The following TP73 variants were observed in gnomAD, a reference collection of about 807,000 sequenced individuals.
TP73 encodes tumor protein p73, also known as p53-like transcription factor.
In TP73, 25 loss-of-function variants were observed where a neutral mutation model predicts 62.5. The observed-to-expected ratio is 0.40, with a 90% CI of 0.29 to 0.56. The LOEUF is 0.56. TP73 is among the 20% of genes least tolerant of loss of function. TP73 has a pLI of 0.46. For synonymous variants in TP73, 423 were observed against 377.5 expected (o/e 1.12, Z -1.40); for missense variants, 754 against 913.3 (o/e 0.83, Z 2.25).
rs1645548823 is a variant in TP73 at position 3,682,497 on chromosome 1, C to A, written c.65+67C>A. ...AGGCACTCTGGGCTAGCCTCAGCCA[C>A]CTTCGCTGGGCTAACTGGGCCAGAG... is the stretch of plus-strand genomic sequence containing the variant. On this transcript the variant is annotated intron_variant, in intron 2 of 13. Transcript: ENST00000378295. 2.9e-6 allele frequency: 4 copies of A among 1,366,502 alleles called. No homozygotes were observed. In the East Asian group the frequency reaches 8.7e-5, roughly 30 times the overall value. 84.6% of individuals were successfully genotyped at this position (1,366,502 alleles called of 1,614,324 possible).
At position 3,727,722 on chromosome 1, in the gene TP73, C is replaced by T. The variant is rs2124521090; in HGVS notation, c.937C>T (p.Gln313Ter). The T allele has an allele frequency of 6.4e-7, 1 of 1,567,114 alleles. No individual in the cohort carries two copies. Among genetic ancestry groups the T allele is most frequent in the African/African-American group, 1.3e-5 (1 of 74,456 alleles). The change falls in exon 8 of 14, where the codon CAG becomes TAG. Residue 313 changes from glutamine to a stop codon, truncating the protein, a stop_gained. Coordinates refer to ENST00000378295, the MANE Select transcript of TP73 (RefSeq NM_005427.4). LOFTEE classifies it high-confidence loss of function. ...KADEDHYREQ[Q>*]ALNESSAKNG... ...TGATGAGGACCACTACCGGGAGCAG[C>T]AGGCCCTGAACGAGAGCTCCGCCAA...
chr1:3,660,075 G>A (rs1644958003), intron 1 of TP73, among the ~76,000 whole-genome samples: 1 of 152,214 alleles, frequency 6.6e-6, no homozygotes, highest in African/African-American at 2.4e-5. Flanking sequence ...TGGCCAGCTA[G>A]GCTTTCTTTA....
intron 1 of TP73, among the ~76,000 whole-genome samples, chr1:3,675,663 C>T (rs1028358404): frequency 2.6e-5 from 4 of 152,264 alleles, no homozygotes; most frequent in African/African-American, 9.6e-5. Context: ...GGGTAGGTAA[C>T]AGCAGCCCTG....
At chr1:3,657,783 C>A (rs76626189) in intron 1 of TP73, among the ~76,000 whole-genome samples, 3 of 152,300 alleles carry the variant, frequency 2.0e-5, no homozygotes, top group South Asian at 4.1e-4. Context: ...TCTCCCCCAG[C>A]ACCTCCCGCC....
At chr1:3,718,189 C>T (rs1640767265) in intron 4 of TP73, among the ~76,000 whole-genome samples, 1 of 152,206 alleles carries the variant, frequency 6.6e-6, no homozygotes, top group South Asian at 2.1e-4. Flanking sequence ...GGGACAGCTC[C>T]CGGCGCGCCC....
At chr1:3,732,510 C>G (rs892520049) in intron 13 of TP73, among the ~76,000 whole-genome samples, 2 of 152,160 alleles carry the variant, frequency 1.3e-5, no homozygotes, top group African/African-American at 4.8e-5. Flanking sequence ...CAGTTCCTCC[C>G]CCAGGGCCAG....
chr1:3,683,108 T>C lies in TP73; in HGVS notation c.114T>C (p.Asn38=). 6.2e-7 allele frequency: 1 copy of C among 1,612,390 alleles called. No individual in the cohort carries two copies. The change falls in exon 3 of 14, where the codon AAT becomes AAC. Residue 38 remains asparagine, a synonymous_variant. Coordinates refer to ENST00000378295, the MANE Select transcript of TP73 (RefSeq NM_005427.4). Reference sequence around the variant, plus strand: ...ACCTTCCCCAGTCAAGCCGGGGGAATAATGAGGTGGTGGGCGGAACGGATT... The same window carrying C: ...ACCTTCCCCAGTCAAGCCGGGGGAACAATGAGGTGGTGGGCGGAACGGATT... ...YFDLPQSSRG[N]NEVVGGTDSS... is the part of the protein sequence containing the mutation.
chr1:3,705,898 C>T (rs1639584367), intron 3 of TP73, among the ~76,000 whole-genome samples: 1 of 152,220 alleles, frequency 6.6e-6, no homozygotes, highest in Admixed American at 6.5e-5. Flanking sequence ...AGCCGAGGGC[C>T]TCTGGGTCAC....
chr1:3,707,734 C>A lies in TP73; in HGVS notation c.372C>A (p.Pro124=), dbSNP rs745613434. ...VIPSNTDYPG[P]HHFEVTFQQS... is the part of the protein sequence containing the mutation. ...CCTCCAACACCGACTACCCCGGACC[C>A]CACCACTTTGAGGTCACTTTCCAGC... Residue 124 remains proline (P), a synonymous_variant, in exon 4 of 14, where the codon CCC becomes CCA. Coordinates refer to ENST00000378295, the MANE Select transcript of TP73 (RefSeq NM_005427.4). The A allele has an allele frequency of 6.2e-7, 1 of 1,613,278 alleles. No individual in the cohort carries two copies. The highest frequency in any genetic ancestry group is 1.7e-5 in the Admixed American group (1 of 60,022).
chr1:3,733,810 A>C lies in TP73; in HGVS notation c.*731A>C, dbSNP rs1642309928. 1 of 152,084 alleles carries C rather than the reference A, an allele frequency of 6.6e-6. No homozygotes were observed. The highest frequency in any genetic ancestry group is 2.1e-4 in the South Asian group (1 of 4,834). The allele number at this position is 152,084 out of a possible 1,614,324, so 9.4% of individuals were successfully genotyped here. A position where few individuals can be genotyped will look rare whatever the true frequency, so the allele number is the denominator to read the frequency against. ...AGCCAGTGCCCCTCAGCCTGGCCAC[A>C]GTCGCCTCTCCTCGGGGACCCCTCA... is the stretch of plus-strand genomic sequence containing the variant. On this transcript the variant is annotated 3_prime_UTR_variant, in exon 14 of 14. Transcript: ENST00000378295.
chr1:3,709,945 A>T (rs1012516842), intron 4 of TP73, among the ~76,000 whole-genome samples: 7 of 152,064 alleles, frequency 4.6e-5, no homozygotes, highest in Non-Finnish European at 8.8e-5. Flanking sequence ...GGCTTCCCCC[A>T]TCTAGGGTAT....
chr1:3,684,345 T>TAGGG (rs1177294759), intron 3 of TP73, among the ~76,000 whole-genome samples: 1 of 152,272 alleles, frequency 6.6e-6, no homozygotes, highest in South Asian at 2.1e-4. Context: ...CTCCCTCACT[T>TAGGG]ATGCTCAGCC....
At chr1:3,717,426 G>A (rs188394804) in intron 4 of TP73, among the ~76,000 whole-genome samples, 65 of 152,242 alleles carry the variant, frequency 4.3e-4, no homozygotes, top group African/African-American at 1.4e-3. Flanking sequence ...GACGGTGCAC[G>A]CACCCTGGGC....
At chr1:3,709,944 C>T (rs1459360025) in intron 4 of TP73, among the ~76,000 whole-genome samples, 4 of 152,172 alleles carry the variant, frequency 2.6e-5, no homozygotes, top group African/African-American at 9.7e-5. Flanking sequence ...TGGCTTCCCC[C>T]ATCTAGGGTA....
chr1:3,684,127 G>GGA (rs1466194535), intron 3 of TP73, among the ~76,000 whole-genome samples: 1 of 152,232 alleles, frequency 6.6e-6, no homozygotes, highest in African/African-American at 2.4e-5. Flanking sequence ...CCACACGTGA[G>GGA]GAGAGAGCAA....
At position 3,727,233 on chromosome 1, in the gene TP73, C is replaced by CG. The variant is rs1641720670; in HGVS notation, c.842+12dup. 2 of 1,609,800 alleles carry CG rather than the reference C, an allele frequency of 1.2e-6. No individual in the cohort carries two copies. The highest frequency in any genetic ancestry group is 1.7e-6 in the Non-Finnish European group (2 of 1,178,090). ...ACCCTGGAGATGCGGGAGTGAGTCC[C>CG]GGGCACACGGGGTGGAGGTGGGACA... On this transcript the variant is annotated intron_variant, in intron 7 of 13. Coordinates refer to ENST00000378295, the MANE Select transcript of TP73 (RefSeq NM_005427.4).
intron 1 of TP73, among the ~76,000 whole-genome samples, chr1:3,678,651 T>C (rs1207046241): frequency 6.6e-6 from 1 of 152,188 alleles, no homozygotes; most frequent in East Asian, 1.9e-4. Context: ...CCGATTCCCA[T>C]GGGGGAGGCC....
Position 3,682,225 on chromosome 1 carries a change from G to A in TP73, c.-33-108G>A, listed in dbSNP as rs1483495469. The A allele has an allele frequency of 2.3e-5, 18 of 773,372 alleles. No homozygotes were observed. In the Middle Eastern group the frequency reaches 1.8e-3, roughly 76 times the overall value. 47.9% of individuals were successfully genotyped at this position (773,372 alleles called of 1,614,324 possible). A position where few individuals can be genotyped will look rare whatever the true frequency, so the allele number is the denominator to read the frequency against. On this transcript the variant is annotated intron_variant, in intron 1 of 13. Coordinates refer to ENST00000378295, the MANE Select transcript of TP73 (RefSeq NM_005427.4). Reference sequence around the variant, plus strand: ...GGGCAAGGCGGGGGCACCTGCTCCAGGGATGCCCCAGGCAGGCCCACTTGC... The same window carrying A: ...GGGCAAGGCGGGGGCACCTGCTCCAAGGATGCCCCAGGCAGGCCCACTTGC...
In TP73 at chr1:3,662,967, C is replaced by A. The variant is rs1422233508; in HGVS notation, c.-34+10326C>A. The stretch of plus-strand genomic sequence containing the variant: ...CTTGTCTCTGGTCCCATGTGTTGCC[C>A]TTTGGGCACTGGCATGAGTAATCTG... On this transcript the variant is annotated intron_variant, in intron 1 of 13. Transcript: ENST00000378295. The surrounding 1 kb of genome is among the most constrained non-coding windows in gnomAD (Gnocchi z 4.4). Among the ~76,000 whole-genome samples the A allele has an allele frequency of 6.6e-6, 1 of 152,248 alleles. No individual in the cohort carries two copies. The highest frequency in any genetic ancestry group is 1.5e-5 in the Non-Finnish European group (1 of 68,040).
Sources: allele counts gnomAD v4.1 joint callset (sites outside exome capture counted in the v4.1 genomes callset), GRCh38; gene constraint gnomAD v4.1.1; non-coding constraint Gnocchi (gnomAD v3.1); transcripts MANE v1.5; gene names NCBI Gene and HGNC (gene_info 2026-07-23, HGNC 2026-07-21).